The following QKI variants were observed in gnomAD, a reference collection of about 807,000 sequenced individuals.
The protein encoded by QKI is QKI, KH domain containing RNA binding.
A neutral mutation model predicts 39.0 loss-of-function variants in QKI; 10 were observed. That is an observed-to-expected ratio of 0.26 (90% CI 0.16 to 0.43). The LOEUF (loss-of-function observed/expected upper bound fraction) is 0.43. Among genes scored for constraint, QKI ranks in the 20% least tolerant of loss-of-function variants. The probability of loss-of-function intolerance (pLI) is 1.00; values close to 1 mark genes in which losing one functional copy is unlikely to be tolerated. For synonymous variants in QKI, 204 were observed against 155.4 expected (o/e 1.31, Z -2.33); for missense variants, 218 against 428.0 (o/e 0.51, Z 4.33).
chr6:163,424,263 C>T (rs1228714017), intron 1 of QKI, among the ~76,000 whole-genome samples: 4 of 152,106 alleles, frequency 2.6e-5, no homozygotes, highest in East Asian at 1.9e-4. Context: ...TGTCTATTGT[C>T]GCTGATTCCA....
rs1434397855 is a variant in QKI at position 163,545,032 on chromosome 6, G to T, written c.546+9907G>T. Among the ~76,000 whole-genome samples, 3 of 152,180 alleles carry T rather than the reference G, an allele frequency of 2.0e-5. No homozygotes were observed. The East Asian group carries it at 5.8e-4, about 29-fold the overall frequency. ...TAATGTCCTAAAATCTCATTTAAGTGTAGAATACAAAGACCCATGTAGTCC... is the reference window on the plus strand; with the variant it reads ...TAATGTCCTAAAATCTCATTTAAGTTTAGAATACAAAGACCCATGTAGTCC... On this transcript the variant is annotated intron_variant, in intron 4 of 7. Coordinates refer to ENST00000361752, the MANE Select transcript of QKI (RefSeq NM_006775.3).
In QKI at chr6:163,573,869, G is replaced by GAC. The variant is rs1783832847; in HGVS notation, c.*3159_*3160insAC. On this transcript the variant is annotated 3_prime_UTR_variant, in exon 8 of 8. Coordinates refer to ENST00000361752, the MANE Select transcript of QKI (RefSeq NM_006775.3). ...AATAAACAAATAAAGACAAAAGAAT[G>GAC]TAAAGTCTTGAGTTACTGGACTAAC... is the stretch of plus-strand genomic sequence containing the variant. 6.6e-6 allele frequency: 1 copy of GAC among 152,188 alleles called. No individual in the cohort carries two copies. Among genetic ancestry groups the GAC allele is most frequent in the Non-Finnish European group, 1.5e-5 (1 of 68,038 alleles). The allele number at this position is 152,188 out of a possible 1,614,324, so 9.4% of individuals were successfully genotyped here. A position where few individuals can be genotyped will look rare whatever the true frequency, so the allele number is the denominator to read the frequency against.
At chr6:163,517,400 G>A (rs1381714663) in intron 3 of QKI, among the ~76,000 whole-genome samples, 2 of 152,058 alleles carry the variant, frequency 1.3e-5, no homozygotes, top group Non-Finnish European at 2.9e-5. Context: ...AGTATCTAGA[G>A]TGGTTTTTTG....
At chr6:163,490,600 A>G (rs1489601795) in intron 3 of QKI, among the ~76,000 whole-genome samples, 1 of 152,142 alleles carries the variant, frequency 6.6e-6, no homozygotes, top group Non-Finnish European at 1.5e-5. Context: ...AGTGGAAGGT[A>G]TGGGGCACAG....
At chr6:163,564,595 T>TA in intron 6 of QKI, 1 of 1,608,954 alleles carries the variant, frequency 6.2e-7, no homozygotes, top group South Asian at 1.1e-5. Context: ...AATCATAATA[T>TA]AAACGCTTGG....
intron 3 of QKI, among the ~76,000 whole-genome samples, chr6:163,517,932 C>CTT (rs1180970634): frequency 6.6e-6 from 1 of 152,056 alleles, no homozygotes; most frequent in Admixed American, 6.5e-5. Context: ...TAACCTGGTC[C>CTT]TTTTTTGGCT....
intron 4 of QKI, among the ~76,000 whole-genome samples, chr6:163,540,249 G>T (rs1311972464): frequency 6.6e-6 from 1 of 152,106 alleles, no homozygotes; most frequent in East Asian, 1.9e-4. Context: ...GCAGGGTGGG[G>T]AGTAGGGAGG....
intron 1 of QKI, among the ~76,000 whole-genome samples, chr6:163,421,682 C>T (rs1451608904): frequency 6.6e-6 from 1 of 151,920 alleles, no homozygotes; most frequent in Non-Finnish European, 1.5e-5. Flanking sequence ...TAAACAGTGC[C>T]ATTACTTAGA....
chr6:163,488,973 C>CTTTT (rs767477914), intron 3 of QKI, among the ~76,000 whole-genome samples: 18 of 122,120 alleles, frequency 1.5e-4, no homozygotes, highest in East Asian at 2.2e-4. Flanking sequence ...CCTTCCATTT[C>CTTTT]TTTTTTTTTT....
At chr6:163,552,394 T>C (rs1782289292) in intron 4 of QKI, among the ~76,000 whole-genome samples, 3 of 151,978 alleles carry the variant, frequency 2.0e-5, no homozygotes, top group Admixed American at 6.6e-5. Flanking sequence ...ATTTTTTGAC[T>C]AGAGACAGGG....
chr6:163,429,724 C>T (rs951515683), intron 1 of QKI, among the ~76,000 whole-genome samples: 3 of 152,064 alleles, frequency 2.0e-5, no homozygotes, highest in East Asian at 3.8e-4. Context: ...ACGTGATTTT[C>T]GAATAATGTC....
chr6:163,497,124 TATTA>T (rs1275946131), intron 3 of QKI, among the ~76,000 whole-genome samples: 2 of 152,224 alleles, frequency 1.3e-5, no homozygotes, highest in East Asian at 3.8e-4. Flanking sequence ...ATAAAGACAT[TATTA>T]ATTGAATATT....
intron 3 of QKI, among the ~76,000 whole-genome samples, chr6:163,513,287 G>A (rs1282972763): frequency 6.6e-6 from 1 of 152,066 alleles, no homozygotes; most frequent in African/African-American, 2.4e-5. Flanking sequence ...ATTTACAAAT[G>A]AGACAAACTT....
chr6:163,427,239 G>A (rs993274496), intron 1 of QKI, among the ~76,000 whole-genome samples: 6 of 105,116 alleles, frequency 5.7e-5, no homozygotes, highest in African/African-American at 1.4e-4. Flanking sequence ...TTTTATACTC[G>A]TACCTTTTTT....
chr6:163,443,831 A>G (rs1789938157), intron 1 of QKI, among the ~76,000 whole-genome samples: 1 of 152,338 alleles, frequency 6.6e-6, no homozygotes, highest in Middle Eastern at 3.4e-3. Context: ...CAAATAAATT[A>G]TTACCTAGGA....
At chr6:163,416,755 T>G (rs990644949) in intron 1 of QKI, among the ~76,000 whole-genome samples, 4 of 152,194 alleles carry the variant, frequency 2.6e-5, no homozygotes, top group African/African-American at 9.7e-5. Flanking sequence ...CATACAGCAC[T>G]CACCAACGTT....
rs570143169 is a variant in QKI, at chr6:163,497,399, TGTATA to T, written c.402+18506_402+18510del. Among the ~76,000 whole-genome samples the T allele has an allele frequency of 1.4e-4, 22 of 152,252 alleles. No individual in the cohort carries two copies. In the South Asian group the frequency reaches 4.3e-3, roughly 30 times the overall value. On this transcript the variant is annotated intron_variant, in intron 3 of 7. Transcript: ENST00000361752. ...AATTTTTAAAATTGCTTTTAATAAT[TGTATA>T]GTTTACTTTTTTCTGTATGTTAAAA... is the stretch of plus-strand genomic sequence containing the variant.
In QKI at chr6:163,481,932, A is replaced by G. The variant is rs151096695; in HGVS notation, c.402+3036A>G. On this transcript the variant is annotated intron_variant, in intron 3 of 7. Coordinates refer to ENST00000361752, the MANE Select transcript of QKI (RefSeq NM_006775.3). ...CTGGGCACAGTGGCTCACACCTGTA[A>G]TCTCAGCACTTTGGGAGGCTGAGGC... is the stretch of plus-strand genomic sequence containing the variant. Among the ~76,000 whole-genome samples the G allele has an allele frequency of 2.9e-3, 437 of 152,338 alleles. 2 individuals carry two copies. The highest frequency in any genetic ancestry group is 9.7e-3 in the African/African-American group (405 of 41,580).
intron 4 of QKI, among the ~76,000 whole-genome samples, chr6:163,541,581 T>C (rs922407594): frequency 1.3e-5 from 2 of 151,552 alleles, no homozygotes; most frequent in Non-Finnish European, 1.5e-5. Context: ...TGTAAAGATA[T>C]ACACACCAGT....
Sources: allele counts gnomAD v4.1 joint callset (sites outside exome capture counted in the v4.1 genomes callset), GRCh38; gene constraint gnomAD v4.1.1; transcripts MANE v1.5; gene names NCBI Gene and HGNC (gene_info 2026-07-23, HGNC 2026-07-21).